Variants in SORCS2 observed in about 807,000 individuals in gnomAD.
The protein encoded by SORCS2 is sortilin related VPS10 domain containing receptor 2, also known as VPS10 domain-containing receptor SorCS2.
Under a neutral mutation model 141.6 loss-of-function variants are expected in SORCS2, and 100 were observed. The observed-to-expected ratio is 0.71, with a 90% CI of 0.60 to 0.83. The LOEUF (loss-of-function observed/expected upper bound fraction) is 0.83. Ranked by LOEUF, SORCS2 falls within the 40% of genes least tolerant of loss-of-function variation. The pLI, the probability that SORCS2 is intolerant of heterozygous loss-of-function variation, is 0.00. For missense variants in SORCS2, 1,646 were observed against 1,560.2 expected (o/e 1.05, Z -0.93); for synonymous variants, 789 against 676.9 (o/e 1.17, Z -2.57).
rs924411981 is a variant in SORCS2, at chr4:7,704,632, G to A, written c.1868+348G>A. ...GTCACCCATCCCGGGGTCTGAGGCTGCAGCACTGGCCCTGCCCGGCTTCCT... is the reference window on the plus strand; with the variant it reads ...GTCACCCATCCCGGGGTCTGAGGCTACAGCACTGGCCCTGCCCGGCTTCCT... On this transcript the variant is annotated intron_variant, in intron 14 of 26. Coordinates refer to ENST00000507866, the MANE Select transcript of SORCS2 (RefSeq NM_020777.3). Among the ~76,000 whole-genome samples the A allele has an allele frequency of 3.3e-5, 5 of 152,230 alleles. No homozygotes were observed. In the East Asian group the frequency reaches 7.7e-4, roughly 23 times the overall value.
At chr4:7,695,660 A>G (rs867501426) in intron 11 of SORCS2, among the ~76,000 whole-genome samples, 4 of 29,326 alleles carry the variant, frequency 1.4e-4, no homozygotes, top group Non-Finnish European at 2.0e-4. Context: ...GGATGGATGG[A>G]TGGATGGATG....
At chr4:7,310,947 A>AT (rs1718143625) in intron 1 of SORCS2, among the ~76,000 whole-genome samples, 3 of 152,220 alleles carry the variant, frequency 2.0e-5, no homozygotes, top group African/African-American at 7.2e-5. Context: ...ATAGAGATAT[A>AT]ATAAATCACG....
intron 3 of SORCS2, among the ~76,000 whole-genome samples, chr4:7,569,729 C>T (rs1355118501): frequency 6.6e-6 from 1 of 152,178 alleles, no homozygotes; most frequent in East Asian, 1.9e-4. Flanking sequence ...GGGTGCACGT[C>T]TTCTCTACAC....
chr4:7,356,461 G>A (rs910664389), intron 1 of SORCS2, among the ~76,000 whole-genome samples: 4 of 152,116 alleles, frequency 2.6e-5, no homozygotes, highest in African/African-American at 9.7e-5. Flanking sequence ...CTCACATGGC[G>A]TTGGCTCAGT....
At chr4:7,566,295 T>G (rs1025860587) in intron 3 of SORCS2, among the ~76,000 whole-genome samples, 1 of 150,008 alleles carries the variant, frequency 6.7e-6, no homozygotes, top group African/African-American at 2.5e-5. Flanking sequence ...AATGTGTTAA[T>G]GGTGATGGTG....
At chr4:7,724,142 A>ATAGTGG (rs1560112934) in intron 19 of SORCS2, among the ~76,000 whole-genome samples, 1 of 99,316 alleles carries the variant, frequency 1.0e-5, no homozygotes, top group African/African-American at 4.2e-5. Flanking sequence ...GGTGGTGGTG[A>ATAGTGG]TGGTCGTGGT....
chr4:7,623,203 A>G (rs2108833000), intron 3 of SORCS2, among the ~76,000 whole-genome samples: 1 of 152,224 alleles, frequency 6.6e-6, no homozygotes, highest in South Asian at 2.1e-4. Context: ...ACACTCAGAG[A>G]CACTGATGCC....
intron 2 of SORCS2, among the ~76,000 whole-genome samples, chr4:7,474,724 G>C (rs1184132283): frequency 6.6e-6 from 1 of 152,196 alleles, no homozygotes; most frequent in African/African-American, 2.4e-5. Flanking sequence ...GGAAGTTCCA[G>C]AAGTCTCTGT....
intron 2 of SORCS2, among the ~76,000 whole-genome samples, chr4:7,525,731 C>G (rs1733631055): frequency 8.8e-6 from 1 of 113,652 alleles, no homozygotes; most frequent in African/African-American, 3.6e-5. Context: ...AGTCACCTGT[C>G]CCCTCCTGCA....
chr4:7,286,795 T>C lies in SORCS2; in HGVS notation c.480+93669T>C, dbSNP rs902126675. 2.0e-5 allele frequency among the ~76,000 whole-genome samples: 3 copies of C among 152,076 alleles called. No individual in the cohort carries two copies. Among genetic ancestry groups the C allele is most frequent in the African/African-American group, 7.2e-5 (3 of 41,400 alleles). ...GATAACTGAGGCAGACTGGGAGGCG[T>C]CTTGGGTCCCAGACCGTGGAACCTG... On this transcript the variant is annotated intron_variant, in intron 1 of 26. Coordinates refer to ENST00000507866, the MANE Select transcript of SORCS2 (RefSeq NM_020777.3). The surrounding 1 kb of genome is among the most constrained non-coding windows in gnomAD (Gnocchi z 4.1).
chr4:7,625,316 A>AT (rs1286411127), intron 3 of SORCS2, among the ~76,000 whole-genome samples: 1 of 152,094 alleles, frequency 6.6e-6, no homozygotes, highest in Admixed American at 6.5e-5. Context: ...TCATGCCAAC[A>AT]TCATGGCTCA....
At chr4:7,424,706 G>A (rs912331027) in intron 2 of SORCS2, among the ~76,000 whole-genome samples, 1 of 152,186 alleles carries the variant, frequency 6.6e-6, no homozygotes, top group Non-Finnish European at 1.5e-5. Flanking sequence ...GCTCTCAGCA[G>A]GACAAAGCAG....
At chr4:7,279,595 G>A (rs926633671) in intron 1 of SORCS2, among the ~76,000 whole-genome samples, 2 of 152,236 alleles carry the variant, frequency 1.3e-5, no homozygotes, top group Admixed American at 1.3e-4. Flanking sequence ...GCCAGTTCAA[G>A]GGCGATCTTC....
chr4:7,621,778 G>C (rs1485364926), intron 3 of SORCS2, among the ~76,000 whole-genome samples: 1 of 152,190 alleles, frequency 6.6e-6, no homozygotes, highest in Non-Finnish European at 1.5e-5. Context: ...CCTGTCACCA[G>C]CTCGGCTCTG....
At chr4:7,433,122 A>G in intron 2 of SORCS2, 1 of 504,758 alleles carries the variant, frequency 2.0e-6, no homozygotes, top group Non-Finnish European at 3.1e-6. Flanking sequence ...GATGCTTTCA[A>G]GGGCAAAGCT....
At chr4:7,284,872 T>C (rs1338225347) in intron 1 of SORCS2, among the ~76,000 whole-genome samples, 1 of 152,108 alleles carries the variant, frequency 6.6e-6, no homozygotes, top group Non-Finnish European at 1.5e-5. Context: ...CGGCCTCTTC[T>C]GGTTTCTGGT....
chr4:7,637,356 C>T (rs1720329393), intron 3 of SORCS2, among the ~76,000 whole-genome samples: 1 of 152,188 alleles, frequency 6.6e-6, no homozygotes, highest in South Asian at 2.1e-4. Context: ...TCAGCGTTCT[C>T]CTCTGCTGAA....
intron 3 of SORCS2, among the ~76,000 whole-genome samples, chr4:7,573,619 G>A (rs550989219): frequency 8.5e-5 from 13 of 152,286 alleles, no homozygotes; most frequent in Non-Finnish European, 1.5e-4. Context: ...CCAGGCTCAA[G>A]TGATTCTCCT....
At chr4:7,382,501 C>T (rs1333102841) in intron 1 of SORCS2, among the ~76,000 whole-genome samples, 1 of 152,084 alleles carries the variant, frequency 6.6e-6, no homozygotes, top group African/African-American at 2.4e-5. Context: ...GTCCTCCCTG[C>T]CAGGGAGCCG....
Sources: gnomAD v4.1 joint callset for allele counts (sites outside exome capture counted in the v4.1 genomes callset) on GRCh38, gnomAD v4.1.1 for gene constraint, Gnocchi (gnomAD v3.1) non-coding constraint, MANE v1.5 for transcripts, NCBI Gene and HGNC (gene_info 2026-07-23, HGNC 2026-07-21) for gene names.